The following SCML4 variants were observed in gnomAD, a reference collection of about 807,000 sequenced individuals.
SCML4 encodes Scm polycomb group protein like 4.
SCML4 carries 34 observed loss-of-function variants against 41.1 expected under a neutral mutation model. That is an observed-to-expected ratio of 0.83 (90% CI 0.63 to 1.10). The LOEUF is 1.10. SCML4 is among the 50% of genes least tolerant of loss of function. The pLI is 0.00. For synonymous variants in SCML4, 214 were observed against 220.9 expected (o/e 0.97, Z 0.28); for missense variants, 522 against 534.1 (o/e 0.98, Z 0.22).
the SCML4 span, among the ~76,000 whole-genome samples, chr6:107,846,025 C>T: frequency 0.18 from 27,032 of 152,092 alleles, 2,875 homozygotes; most frequent in Middle Eastern, 0.25. Context: ...CTGCCAGCAG[C>T]CCGGAGCCGG....
intron 6 of SCML4, among the ~76,000 whole-genome samples, chr6:107,711,450 A>C (rs944557410): frequency 1.3e-5 from 2 of 152,222 alleles, no homozygotes; most frequent in African/African-American, 4.8e-5. Flanking sequence ...ACAGGTTTGT[A>C]GCCTAAAAGC....
chr6:107,826,890 C>T (rs917681809), upstream of SCML4, among the ~76,000 whole-genome samples: 1 of 148,578 alleles, frequency 6.7e-6, no homozygotes, highest in Non-Finnish European at 1.5e-5. Flanking sequence ...GGTGAAACCC[C>T]GTCTCTACTA....
At chr6:107,751,634 CT>C (rs1562218969) in intron 2 of SCML4, among the ~76,000 whole-genome samples, 79 of 136,480 alleles carry the variant, frequency 5.8e-4, no homozygotes, top group African/African-American at 2.1e-3. Context: ...TTCTTTCTTT[CT>C]TTCTTTCTTT....
At chr6:107,736,406 C>G (rs1777070393) in intron 5 of SCML4, among the ~76,000 whole-genome samples, 1 of 152,148 alleles carries the variant, frequency 6.6e-6, no homozygotes. Flanking sequence ...GCCTTACAGA[C>G]AGCAGAAAAA....
chr6:107,772,543 C>T (rs1377023261), intron 1 of SCML4, among the ~76,000 whole-genome samples, 157 bp from the exon 2 acceptor site: 1 of 152,142 alleles, frequency 6.6e-6, no homozygotes, highest in East Asian at 1.9e-4. Flanking sequence ...GATGCATTTA[C>T]GATGCTGTTG....
chr6:107,802,842 T>A (rs2114637743), intron 1 of SCML4, among the ~76,000 whole-genome samples: 1 of 151,588 alleles, frequency 6.6e-6, no homozygotes, highest in South Asian at 2.1e-4. Context: ...GCAACCTCCC[T>A]GCCTGATTCT....
At chr6:107,813,370 T>TTATATATATA (rs543060112) in intron 1 of SCML4, among the ~76,000 whole-genome samples, 27 of 42,432 alleles carry the variant, frequency 6.4e-4, no homozygotes, top group African/African-American at 8.2e-4. Flanking sequence ...CTCAAAAAAA[T>TTATATATATA]TATATATATA....
intron 1 of SCML4, among the ~76,000 whole-genome samples, chr6:107,809,403 A>G (rs1783990530): frequency 6.6e-6 from 1 of 152,226 alleles, no homozygotes; most frequent in Non-Finnish European, 1.5e-5. Flanking sequence ...GAAGCGGGTT[A>G]AAGGGAGGAG....
chr6:107,718,079 G>A (rs371386376), intron 6 of SCML4, among the ~76,000 whole-genome samples: 6 of 152,126 alleles, frequency 3.9e-5, no homozygotes, highest in Admixed American at 6.5e-5. Flanking sequence ...GCTGCCCCTC[G>A]GCCAGTCGTC....
In SCML4 at chr6:107,746,902, A is replaced by G. The variant is rs1220186555; in HGVS notation, c.287-13T>C. On this transcript the variant is annotated splice_polypyrimidine_tract_variant and intron_variant, in intron 3 of 7. Coordinates refer to ENST00000369020, the MANE Select transcript of SCML4 (RefSeq NM_198081.5). ...ATGTAGAGGCAGACTGCGGAGACAG[A>G]GGTCACAAAGCCCTCGGCATCAGGC... is the stretch of plus-strand genomic sequence containing the variant. 1.2e-6 allele frequency: 2 copies of G among 1,604,048 alleles called. No homozygotes were observed. Among genetic ancestry groups the G allele is most frequent in the Non-Finnish European group, 1.7e-6 (2 of 1,173,120 alleles).
At position 107,702,386 on chromosome 6, in the gene SCML4, G is replaced by A. The variant is rs1773256734; in HGVS notation, c.*2814C>T. 6.6e-6 allele frequency among the ~76,000 whole-genome samples: 1 copy of A among 152,168 alleles called. No individual in the cohort carries two copies. The highest frequency in any genetic ancestry group is 2.1e-4 in the South Asian group (1 of 4,824). On this transcript the variant is annotated 3_prime_UTR_variant, in exon 8 of 8. Transcript: ENST00000369020. Reference sequence around the variant, plus strand: ...AAGGGATCTCTTTGACATTGTTTGGGGCTGATTTTTATTTGAGAGCACCAA... The same window carrying A: ...AAGGGATCTCTTTGACATTGTTTGGAGCTGATTTTTATTTGAGAGCACCAA...
chr6:107,746,712 C>A lies in SCML4; in HGVS notation c.464G>T (p.Gly155Val). 1 of 1,614,132 alleles carries A rather than the reference C, an allele frequency of 6.2e-7. No homozygotes were observed. The highest frequency in any genetic ancestry group is 8.5e-7 in the Non-Finnish European group (1 of 1,180,006). ...ACCTGACACCATCTCACCACCATAG[C>A]CCTGCTTGACCAGGGAGAAGACCAG... ...QKLVFSLVKQ[G>V]YGGEMVSVSA... Residue 155 changes from glycine to valine, a missense_variant, in exon 4 of 8, where the codon GGC (glycine) becomes GTC (valine). By Grantham distance (109) the Gly-to-Val change is moderately radical. Coordinates refer to ENST00000369020, the MANE Select transcript of SCML4 (RefSeq NM_198081.5).
At chr6:107,754,061 G>C (rs756997892) in intron 2 of SCML4, among the ~76,000 whole-genome samples, 1 of 152,138 alleles carries the variant, frequency 6.6e-6, no homozygotes, top group African/African-American at 2.4e-5. Flanking sequence ...AATGGAGCAC[G>C]GCTGCTGAGC....
the SCML4 span, among the ~76,000 whole-genome samples, chr6:107,839,389 G>GAAAC: frequency 1.3e-4 from 18 of 140,930 alleles, no homozygotes; most frequent in African/African-American, 5.0e-4. Flanking sequence ...AAGAAAGAAA[G>GAAAC]AAAGAAAGAA....
At chr6:107,833,035 C>T in the SCML4 span, among the ~76,000 whole-genome samples, 14 of 152,134 alleles carry the variant, frequency 9.2e-5, no homozygotes, top group Non-Finnish European at 5.9e-5. Context: ...GGCCACTATG[C>T]GGGGAGGACT....
chr6:107,786,052 C>G (rs917254701), intron 1 of SCML4, among the ~76,000 whole-genome samples: 3 of 152,068 alleles, frequency 2.0e-5, no homozygotes, highest in African/African-American at 7.2e-5. Context: ...CCCTGCAGTC[C>G]CACTTTCCCT....
At chr6:107,766,226 C>T (rs1344144453) in intron 2 of SCML4, among the ~76,000 whole-genome samples, 8 of 152,046 alleles carry the variant, frequency 5.3e-5, no homozygotes, top group South Asian at 2.1e-4. Flanking sequence ...AAAAATTAGC[C>T]GGGCGTGGTG....
At chr6:107,784,347 T>C (rs990687007) in intron 1 of SCML4, among the ~76,000 whole-genome samples, 2 of 152,162 alleles carry the variant, frequency 1.3e-5, no homozygotes, top group Non-Finnish European at 2.9e-5. Context: ...GCCACTGATG[T>C]GGTCAGCAGA....
intron 2 of SCML4, among the ~76,000 whole-genome samples, chr6:107,757,116 G>T (rs1348833098): frequency 6.6e-6 from 1 of 152,178 alleles, no homozygotes; most frequent in African/African-American, 2.4e-5. Context: ...CCACCAGGGG[G>T]GCTGGGGAAT....
Sources: gnomAD v4.1 joint callset for allele counts (sites outside exome capture counted in the v4.1 genomes callset) on GRCh38, gnomAD v4.1.1 for gene constraint, MANE v1.5 for transcripts, NCBI Gene and HGNC (gene_info 2026-07-23, HGNC 2026-07-21) for gene names.